MYH6: variants seen among roughly 807,000 people sequenced by gnomAD.
The protein encoded by MYH6 is myosin-6.
MYH6 carries 126 observed loss-of-function variants against 223.2 expected under a neutral mutation model. That is an observed-to-expected ratio of 0.56 (90% CI 0.49 to 0.65). The LOEUF is 0.65. Ranked by LOEUF, MYH6 falls within the 30% of genes least tolerant of loss-of-function variation. The pLI is 0.00. For missense variants in MYH6, 2,040 were observed against 2,536.4 expected (o/e 0.80, Z 4.20); for synonymous variants, 978 against 1,010.2 (o/e 0.97, Z 0.61).
intron 15 of MYH6, among the ~76,000 whole-genome samples, chr14:23,397,940 C>CTTCTTCTTCTTCTTCTTCTTT (rs1891458545): frequency 5.6e-5 from 3 of 53,250 alleles, no homozygotes; most frequent in Admixed American, 2.0e-4. Context: ...TCCTCTTCTT[C>CTTCTTCTTCTTCTTCTTCTTT]TTCTTCTTCT....
chr14:23,388,514 G>T, intron 29 of MYH6, 176 bp from the exon 30 acceptor site: 1 of 1,082,640 alleles, frequency 9.2e-7, no homozygotes, highest in East Asian at 2.4e-5. Flanking sequence ...CTGCCCAGGC[G>T]TCCTCCCTAC....
chr14:23,403,354 A>C lies in MYH6; in HGVS notation c.892T>G (p.Leu298Val). The C allele has an allele frequency of 6.2e-7, 1 of 1,613,802 alleles. No homozygotes were observed. The change falls in exon 10 of 39, where the codon TTG (leucine) becomes GTG (valine). Residue 298 changes from leucine (L) to valine (V), a missense_variant. By Grantham distance (32) the Leu-to-Val change is conservative. This residue lies in a region of MYH6 where 649 missense variants were observed against 877.3 expected (regional missense o/e 0.74). Coordinates refer to ENST00000405093, the MANE Select transcript of MYH6 (RefSeq NM_002471.4). Reference sequence around the variant, plus strand: ...GGGTGGCAGGCAGGTTCACCCAGCAACTCCGGCTTCTTGTTGGACAGAATC... The same window carrying C: ...GGGTGGCAGGCAGGTTCACCCAGCACCTCCGGCTTCTTGTTGGACAGAATC... ...YQILSNKKPE[L>V]LDMLLVTNNP... is the part of the protein sequence containing the mutation.
intron 28 of MYH6, 104 bp downstream of exon 28, chr14:23,389,289 C>A: frequency 7.4e-7 from 1 of 1,356,840 alleles, no homozygotes. Context: ...GAGGGTCTTT[C>A]CCTTGCAGAG....
Position 23,386,475 on chromosome 14 carries a change from T to G in MYH6, c.4799A>C (p.Gln1600Pro). The G allele has an allele frequency of 6.2e-7, 1 of 1,614,172 alleles. No homozygotes were observed. Among genetic ancestry groups the G allele is most frequent in the Non-Finnish European group, 8.5e-7 (1 of 1,180,040 alleles). The change falls in exon 33 of 39, where the codon CAG becomes CCG. Residue 1600 changes from glutamine (Q) to proline (P), a missense_variant. Coordinates refer to ENST00000405093, the MANE Select transcript of MYH6 (RefSeq NM_002471.4). ...RNHQRVVDSL[Q>P]TSLDAETRSR... ...GCGTGTCTCTGCATCCAGGGAGGTCTGCAGCGAGTCCACCACCCGCTGGTG... is the reference window on the plus strand; with the variant it reads ...GCGTGTCTCTGCATCCAGGGAGGTCGGCAGCGAGTCCACCACCCGCTGGTG...
In MYH6 at chr14:23,390,195, G is replaced by A. The variant is rs768560994; in HGVS notation, c.3594C>T (p.His1198=). ...CGCCCAGCTCGGCCACGCTGTCGGC[G>A]TGCTTCTTGCGCAGGGCCGCGGCAG... ...EATAAALRKK[H]ADSVAELGEQ... Residue 1198 remains histidine, a synonymous_variant, in exon 26 of 39, where the codon CAC becomes CAT. Transcript: ENST00000405093. 2 of 1,605,818 alleles carry A rather than the reference G, an allele frequency of 1.2e-6. No homozygotes were observed. Among genetic ancestry groups the A allele is most frequent in the East Asian group, 2.2e-5 (1 of 44,764 alleles).
rs146095234 is a variant in MYH6, at chr14:23,386,493, C to T, written c.4781G>A (p.Arg1594Gln). The T allele has an allele frequency of 1.7e-5, 27 of 1,614,192 alleles. No homozygotes were observed. Among genetic ancestry groups the T allele is most frequent in the Middle Eastern group, 3.3e-4 (2 of 6,062 alleles). ...GGAGGTCTGCAGCGAGTCCACCACCCGCTGGTGGTTGCGCTTGGCCTGTTC... is the reference window on the plus strand; with the variant it reads ...GGAGGTCTGCAGCGAGTCCACCACCTGCTGGTGGTTGCGCTTGGCCTGTTC... ...EMEQAKRNHQ[R>Q]VVDSLQTSLD... Residue 1594 changes from arginine to glutamine, a missense_variant, in exon 33 of 39, where the codon CGG becomes CAG. This residue lies in a region of MYH6 where 1,203 missense variants were observed against 1,400.2 expected (regional missense o/e 0.86). Transcript: ENST00000405093.
chr14:23,392,673 TGGGGGA>T, intron 24 of MYH6, 21 bp from the exon 25 acceptor site: 2 of 534,012 alleles, frequency 3.7e-6, no homozygotes, highest in Non-Finnish European at 6.4e-6. Context: ...AGGGTGGGGG[TGGGGGA>T]GTGACAGGTA....
chr14:23,389,102 C>G (rs1463032484), intron 28 of MYH6, 47 bp from the exon 29 acceptor site: 1 of 1,551,154 alleles, frequency 6.4e-7, no homozygotes, highest in South Asian at 1.2e-5. Context: ...CTCCCTGTGC[C>G]CCATTCTCTA....
chr14:23,397,655 T>G (rs376975004), intron 15 of MYH6, 42 bp from the exon 16 acceptor site: 2 of 1,604,192 alleles, frequency 1.2e-6, no homozygotes, highest in Non-Finnish European at 1.7e-6. Flanking sequence ...AGCTGGAAAA[T>G]AAAGGAGCCC....
rs1341619125 is a variant in MYH6, at chr14:23,397,362, G to C, written c.1963-105C>G. The C allele has an allele frequency of 4.6e-6, 6 of 1,318,368 alleles. No individual in the cohort carries two copies. The African/African-American group carries it at 8.7e-5, about 19-fold the overall frequency. 81.7% of individuals were successfully genotyped at this position (1,318,368 alleles called of 1,614,324 possible). A position where few individuals can be genotyped will look rare whatever the true frequency, so the allele number is the denominator to read the frequency against. On this transcript the variant is annotated intron_variant, in intron 16 of 38. Coordinates refer to ENST00000405093, the MANE Select transcript of MYH6 (RefSeq NM_002471.4). ...TCCACCAGAATCATCAAAGGGACAGGGGCTGCCACATAATTTGTGACGTGA... is the reference window on the plus strand; with the variant it reads ...TCCACCAGAATCATCAAAGGGACAGCGGCTGCCACATAATTTGTGACGTGA...
chr14:23,398,874 TG>T lies in MYH6; in HGVS notation c.1744del (p.His582ThrfsTer79). The T allele has an allele frequency of 6.2e-7, 1 of 1,614,120 alleles. No homozygotes were observed. The highest frequency in any genetic ancestry group is 8.5e-7 in the Non-Finnish European group (1 of 1,180,012). Reference sequence around the variant, plus strand: ...GTTGTAGTCCACAGTGCCGGCGTAGTGGATCAGGGAGAAGTGGGCTTCCTGC... The same window carrying T: ...GTTGTAGTCCACAGTGCCGGCGTAGTGATCAGGGAGAAGTGGGCTTCCTGC... ...GKQEAHFSLI[H>X]YAGTVDYNIL... On this transcript the variant is annotated frameshift_variant, in exon 15 of 39. Coordinates refer to ENST00000405093, the MANE Select transcript of MYH6 (RefSeq NM_002471.4). LOFTEE classifies it high-confidence loss of function.
At chr14:23,404,462 G>T (rs946162561) in intron 7 of MYH6, 74 bp from the exon 8 acceptor site, 4 of 1,558,590 alleles carry the variant, frequency 2.6e-6, no homozygotes, top group African/African-American at 1.4e-5. Context: ...CAGGGAGGCT[G>T]CCCTGGCCCT....
chr14:23,393,527 C>T lies in MYH6; in HGVS notation c.2929-9G>A, dbSNP rs1566509976. The T allele has an allele frequency of 1.2e-6, 2 of 1,613,976 alleles. No homozygotes were observed. Among genetic ancestry groups the T allele is most frequent in the South Asian group, 1.1e-5 (1 of 91,076 alleles). On this transcript the variant is annotated splice_polypyrimidine_tract_variant and intron_variant, in intron 22 of 38. Transcript: ENST00000405093. ...TCTGTTAGGTTCTTCACCTGCCGAC[C>T]AAAAACCCATCCCCTTTAGGGTCAA...
intron 29 of MYH6, 162 bp downstream of exon 29, chr14:23,388,697 A>T (rs1481582883): frequency 8.3e-7 from 1 of 1,198,968 alleles, no homozygotes; most frequent in Non-Finnish European, 1.2e-6. Flanking sequence ...GCCAGAGTTC[A>T]CAGAGCAAAG....
chr14:23,396,132 G>GAAGAAA, intron 20 of MYH6, 152 bp downstream of exon 20: 1 of 828,754 alleles, frequency 1.2e-6, no homozygotes, highest in South Asian at 1.5e-5. Flanking sequence ...AGAAGAAGAA[G>GAAGAAA]AAGAAGAATT....
intron 15 of MYH6, among the ~76,000 whole-genome samples, chr14:23,397,938 T>C (rs137908669): frequency 0.042 from 2,478 of 59,234 alleles, 16 homozygotes; most frequent in South Asian, 0.062. Flanking sequence ...CCTCCTCTTC[T>C]TCTTCTTCTT....
Position 23,388,893 on chromosome 14 carries a change from C to T in MYH6, c.4141G>A (p.Ala1381Thr), listed in dbSNP as rs753774406. 4.2e-5 allele frequency: 68 copies of T among 1,613,688 alleles called. No individual in the cohort carries two copies. Among genetic ancestry groups the T allele is most frequent in the Non-Finnish European group, 5.4e-5 (64 of 1,180,054 alleles). Residue 1381 changes from alanine to threonine, a missense_variant, in exon 29 of 39, where the codon GCC becomes ACC. Transcript: ENST00000405093. ...TCGAGCTCCTCAGTCCGCTGAATGGCGTCCGTCTCATACTTGGTCCTCCAC... is the reference window on the plus strand; with the variant it reads ...TCGAGCTCCTCAGTCCGCTGAATGGTGTCCGTCTCATACTTGGTCCTCCAC... ...AQWRTKYETD[A>T]IQRTEELEEA...
intron 13 of MYH6, 74 bp from the exon 14 acceptor site, chr14:23,400,500 G>A: frequency 6.2e-7 from 1 of 1,611,202 alleles, no homozygotes; most frequent in Non-Finnish European, 8.5e-7. Flanking sequence ...CCCGTGCACT[G>A]TGCCGAGCCC....
rs774144472 is a variant in MYH6 at position 23,394,148 on chromosome 14, C to T, written c.2605G>A (p.Glu869Lys). ...TCCTCCAGCTCCTTGCGGCGAGCCT[C>T]GGACTTCTCCAGCGTCTCTTTGATG... ...GRIKETLEKSEARRKELEEKM... is the reference protein window; with the variant it reads ...GRIKETLEKSKARRKELEEKM... The change falls in exon 21 of 39, where the codon GAG becomes AAG. Residue 869 changes from glutamate to lysine, a missense_variant. Physicochemically the swap from Glu to Lys is moderately conservative, Grantham distance 56. Transcript: ENST00000405093. 4.3e-6 allele frequency: 7 copies of T among 1,614,108 alleles called. No individual in the cohort carries two copies. The highest frequency in any genetic ancestry group is 2.7e-5 in the African/African-American group (2 of 74,924).
Sources: allele counts gnomAD v4.1 joint callset (sites outside exome capture counted in the v4.1 genomes callset), GRCh38; gene constraint gnomAD v4.1.1; regional missense constraint gnomAD v4.1.1; transcripts MANE v1.5; gene names NCBI Gene and HGNC (gene_info 2026-07-23, HGNC 2026-07-21).